The following DERA variants were observed in gnomAD, a reference collection of about 807,000 sequenced individuals.
DERA encodes 2-deoxy-D-ribose 5-phosphate aldolase.
DERA carries 15 observed loss-of-function variants against 41.1 expected under a neutral mutation model. The ratio of observed to expected loss-of-function variants is 0.37; its 90% CI spans 0.24 to 0.56. DERA has a LOEUF of 0.56. DERA is among the 20% of genes least tolerant of loss of function. DERA has a pLI of 0.81. For missense variants in DERA, 396 were observed against 403.4 expected, an observed-to-expected ratio of 0.98 and a Z score of 0.16; for synonymous variants, 139 against 137.4, an observed-to-expected ratio of 1.01 and a Z score of -0.08.
In DERA at chr12:15,994,210, G is replaced by A. The variant is rs1243574171; in HGVS notation, c.637+11774G>A. Among the ~76,000 whole-genome samples the A allele has an allele frequency of 6.6e-6, 1 of 152,166 alleles. No homozygotes were observed. Among genetic ancestry groups the A allele is most frequent in the Non-Finnish European group, 1.5e-5 (1 of 68,034 alleles). On this transcript the variant is annotated intron_variant, in intron 6 of 8. Coordinates refer to ENST00000428559, the MANE Select transcript of DERA (RefSeq NM_015954.4). This position sits in a 1 kb window ranked among gnomAD's most constrained non-coding sequence, Gnocchi z 4.8. ...ATAGATTCAGGTATCACACATATGA[G>A]TACAGTGGCATCAATGATATATCTG...
At chr12:16,018,921 T>C (rs1464198314) in intron 6 of DERA, among the ~76,000 whole-genome samples, 2 of 152,150 alleles carry the variant, frequency 1.3e-5, no homozygotes, top group Non-Finnish European at 2.9e-5. Context: ...TTAGTTGAAA[T>C]TGTGGGCACT....
At position 16,036,005 on chromosome 12, in the gene DERA, G is replaced by GT. The variant is rs1308773638; in HGVS notation, c.751-226dup. Among the ~76,000 whole-genome samples, 2 of 152,162 alleles carry GT rather than the reference G, an allele frequency of 1.3e-5. No homozygotes were observed. The highest frequency in any genetic ancestry group is 4.8e-5 in the African/African-American group (2 of 41,416). Reference sequence around the variant, plus strand: ...TAATGAGGGTTATTAACCCTCACTAGTGTCTGTTTGGAAGTAGTGACATTC... The same window carrying GT: ...TAATGAGGGTTATTAACCCTCACTAGTTGTCTGTTTGGAAGTAGTGACATTC... On this transcript the variant is annotated intron_variant, in intron 7 of 8. Transcript: ENST00000428559. The surrounding 1 kb of genome is among the most constrained non-coding windows in gnomAD (Gnocchi z 4.9).
chr12:15,981,889 A>C lies in DERA; in HGVS notation c.509-419A>C, dbSNP rs1277893859. ...TGCTTTATATCCAACCAAAGAACCT[A>C]TTACTTGTGAATGGAAGAATTAATA... is the stretch of plus-strand genomic sequence containing the variant. On this transcript the variant is annotated intron_variant, in intron 5 of 8. Transcript: ENST00000428559. This position sits in a 1 kb window ranked among gnomAD's most constrained non-coding sequence, Gnocchi z 6.1. 6.6e-6 allele frequency among the ~76,000 whole-genome samples: 1 copy of C among 152,060 alleles called. No individual in the cohort carries two copies. The highest frequency in any genetic ancestry group is 1.5e-5 in the Non-Finnish European group (1 of 68,012).
At chr12:15,977,655 A>G (rs1948706927) in intron 5 of DERA, among the ~76,000 whole-genome samples, 1 of 152,028 alleles carries the variant, frequency 6.6e-6, no homozygotes, top group Non-Finnish European at 1.5e-5. Flanking sequence ...ACGGGGTTTC[A>G]CCATGTTGGC....
At position 16,026,782 on chromosome 12, in the gene DERA, G is replaced by A. The variant is rs1949056164; in HGVS notation, c.638-5760G>A. Among the ~76,000 whole-genome samples, 1 of 152,002 alleles carries A rather than the reference G, an allele frequency of 6.6e-6. No homozygotes were observed. The highest frequency in any genetic ancestry group is 1.5e-5 in the Non-Finnish European group (1 of 67,970). On this transcript the variant is annotated intron_variant, in intron 6 of 8. Coordinates refer to ENST00000428559, the MANE Select transcript of DERA (RefSeq NM_015954.4). This position sits in a 1 kb window ranked among gnomAD's most constrained non-coding sequence, Gnocchi z 4.4. The stretch of plus-strand genomic sequence containing the variant: ...CTTCTACAATCTCTTCCGGAAAATA[G>A]AAGAGAGAACACTCATTCTGTGAGA...
intron 6 of DERA, among the ~76,000 whole-genome samples, chr12:16,016,477 G>C (rs1411308735): frequency 6.6e-6 from 1 of 151,918 alleles, no homozygotes; most frequent in African/African-American, 2.4e-5. Flanking sequence ...TTCCAAATGC[G>C]TTAAAACCCA....
At chr12:16,018,147 TTAAGA>T (rs1565615540) in intron 6 of DERA, among the ~76,000 whole-genome samples, 1 of 152,222 alleles carries the variant, frequency 6.6e-6, no homozygotes, top group African/African-American at 2.4e-5. Context: ...AGTAGTAGCC[TTAAGA>T]TATTATTTTT....
chr12:15,957,314 C>T lies in DERA; in HGVS notation c.129+281C>T, dbSNP rs1300400207. On this transcript the variant is annotated intron_variant, in intron 2 of 8. Coordinates refer to ENST00000428559, the MANE Select transcript of DERA (RefSeq NM_015954.4). This position sits in a 1 kb window ranked among gnomAD's most constrained non-coding sequence, Gnocchi z 4.8. ...AATTAAATGGCATATTTTCTCAACA[C>T]ATTTATTCAGTTTTTTAGACATGCC... 1.3e-5 allele frequency among the ~76,000 whole-genome samples: 2 copies of T among 152,188 alleles called. No homozygotes were observed. Among genetic ancestry groups the T allele is most frequent in the Non-Finnish European group, 2.9e-5 (2 of 68,032 alleles).
chr12:16,012,092 T>C lies in DERA; in HGVS notation c.638-20450T>C, dbSNP rs1184869443. Among the ~76,000 whole-genome samples the C allele has an allele frequency of 6.6e-6, 1 of 152,238 alleles. No individual in the cohort carries two copies. The highest frequency in any genetic ancestry group is 1.5e-5 in the Non-Finnish European group (1 of 68,036). The stretch of plus-strand genomic sequence containing the variant: ...TAAAGAAAAGCCTTGTCTTGTACAC[T>C]GCTGTGTATGCACTTTATAGAAAAG... On this transcript the variant is annotated intron_variant, in intron 6 of 8. Coordinates refer to ENST00000428559, the MANE Select transcript of DERA (RefSeq NM_015954.4). The surrounding 1 kb of genome is among the most constrained non-coding windows in gnomAD (Gnocchi z 4.1).
At chr12:15,942,181 T>G (rs1464163196) in intron 1 of DERA, among the ~76,000 whole-genome samples, 1 of 152,180 alleles carries the variant, frequency 6.6e-6, no homozygotes, top group African/African-American at 2.4e-5. Flanking sequence ...AATGTCTATT[T>G]ATGTCCTTTG....
Position 15,970,642 on chromosome 12 carries a change from A to G in DERA, c.508+7695A>G, listed in dbSNP as rs1387807228. 6.6e-6 allele frequency among the ~76,000 whole-genome samples: 1 copy of G among 152,132 alleles called. No homozygotes were observed. Among genetic ancestry groups the G allele is most frequent in the South Asian group, 2.1e-4 (1 of 4,828 alleles). ...TGAAAATAATGTTAAGAATGAGCTC[A>G]TTAAAAAAGAAAACTGAAAAAAAAC... On this transcript the variant is annotated intron_variant, in intron 5 of 8. Coordinates refer to ENST00000428559, the MANE Select transcript of DERA (RefSeq NM_015954.4). This position sits in a 1 kb window ranked among gnomAD's most constrained non-coding sequence, Gnocchi z 4.3.
chr12:15,930,660 T>A (rs1239969093), intron 1 of DERA, among the ~76,000 whole-genome samples: 2 of 152,182 alleles, frequency 1.3e-5, no homozygotes, highest in African/African-American at 4.8e-5. Flanking sequence ...AAATTACTGT[T>A]ATAATTCTCA....
At position 15,996,349 on chromosome 12, in the gene DERA, C is replaced by T. The variant is rs1948837648; in HGVS notation, c.637+13913C>T. ...AAATGTGTTCTTAAGGTTCTGGAGG[C>T]CAGAAGCCCGCAGTCAGGGTGTCAG... On this transcript the variant is annotated intron_variant, in intron 6 of 8. Transcript: ENST00000428559. The surrounding 1 kb of genome is among the most constrained non-coding windows in gnomAD (Gnocchi z 4.7). 6.6e-6 allele frequency among the ~76,000 whole-genome samples: 1 copy of T among 152,082 alleles called. No individual in the cohort carries two copies. Among genetic ancestry groups the T allele is most frequent in the Admixed American group, 6.5e-5 (1 of 15,276 alleles).
At position 15,998,560 on chromosome 12, in the gene DERA, G is replaced by A. The variant is rs574059652; in HGVS notation, c.637+16124G>A. Among the ~76,000 whole-genome samples the A allele has an allele frequency of 6.6e-5, 10 of 152,012 alleles. No individual in the cohort carries two copies. Among genetic ancestry groups the A allele is most frequent in the Admixed American group, 2.6e-4 (4 of 15,258 alleles). ...TCGAACTCCTGACCTCAGGTGATCCGCCTGCCTCAGCCTCCCAATGTGCTG... is the reference window on the plus strand; with the variant it reads ...TCGAACTCCTGACCTCAGGTGATCCACCTGCCTCAGCCTCCCAATGTGCTG... On this transcript the variant is annotated intron_variant, in intron 6 of 8. Coordinates refer to ENST00000428559, the MANE Select transcript of DERA (RefSeq NM_015954.4). This position sits in a 1 kb window ranked among gnomAD's most constrained non-coding sequence, Gnocchi z 4.8.
rs1047204675 is a variant in DERA, at chr12:15,933,811, C to T, written c.31+22397C>T. 4.6e-5 allele frequency among the ~76,000 whole-genome samples: 7 copies of T among 152,218 alleles called. No individual in the cohort carries two copies. In the East Asian group the frequency reaches 7.7e-4, roughly 17 times the overall value. ...TCTGTCGGCTTGTTGAAACCTTCTC[C>T]GACCAGCCTCATCTTTTCATAGTGA... On this transcript the variant is annotated intron_variant, in intron 1 of 8. Coordinates refer to ENST00000428559, the MANE Select transcript of DERA (RefSeq NM_015954.4).
chr12:15,982,489 GA>G lies in DERA; in HGVS notation c.637+56del. 1.1e-5 allele frequency: 16 copies of G among 1,513,654 alleles called. No individual in the cohort carries two copies. The highest frequency in any genetic ancestry group is 1.4e-5 in the Non-Finnish European group (16 of 1,129,820). The allele number at this position is 1,513,654 out of a possible 1,614,324, so 93.8% of individuals were successfully genotyped here. The stretch of plus-strand genomic sequence containing the variant: ...TTCTATTGAATTGATGTTTTTAGGA[GA>G]AATTAAGTAAGTGAAAGCATTTAGC... On this transcript the variant is annotated intron_variant, in intron 6 of 8. Coordinates refer to ENST00000428559, the MANE Select transcript of DERA (RefSeq NM_015954.4). The surrounding 1 kb of genome is among the most constrained non-coding windows in gnomAD (Gnocchi z 4.0).
Position 16,014,741 on chromosome 12 carries a change from C to A in DERA, c.638-17801C>A, listed in dbSNP as rs1180119766. Among the ~76,000 whole-genome samples, 2 of 152,160 alleles carry A rather than the reference C, an allele frequency of 1.3e-5. No individual in the cohort carries two copies. Among genetic ancestry groups the A allele is most frequent in the African/African-American group, 2.4e-5 (1 of 41,446 alleles). ...TCCAGACCCCAGAATGGTAGATCCA[C>A]CAACAGCTTGCACCGTGGGCTTGGA... On this transcript the variant is annotated intron_variant, in intron 6 of 8. Coordinates refer to ENST00000428559, the MANE Select transcript of DERA (RefSeq NM_015954.4). The surrounding 1 kb of genome is among the most constrained non-coding windows in gnomAD (Gnocchi z 5.4).
In DERA at chr12:15,915,503, C is replaced by A. The variant is rs929588140; in HGVS notation, c.31+4089C>A. 1.3e-5 allele frequency among the ~76,000 whole-genome samples: 2 copies of A among 151,664 alleles called. No homozygotes were observed. The highest frequency in any genetic ancestry group is 2.9e-5 in the Non-Finnish European group (2 of 67,906). ...AGAGACCGTGTGTCAGTATGTTGAC[C>A]AGACTGTTCTCAAACTCCTAGCCTC... On this transcript the variant is annotated intron_variant, in intron 1 of 8. Coordinates refer to ENST00000428559, the MANE Select transcript of DERA (RefSeq NM_015954.4). This position sits in a 1 kb window ranked among gnomAD's most constrained non-coding sequence, Gnocchi z 4.8.
rs989559686 is a variant in DERA at position 15,981,175 on chromosome 12, C to T, written c.509-1133C>T. Among the ~76,000 whole-genome samples, 2 of 152,034 alleles carry T rather than the reference C, an allele frequency of 1.3e-5. No homozygotes were observed. Among genetic ancestry groups the T allele is most frequent in the Admixed American group, 6.6e-5 (1 of 15,262 alleles). ...CATCCTGGTTAACACGGTGAAACCC[C>T]GTCTCTACTAAAACTACAAAAAGTT... On this transcript the variant is annotated intron_variant, in intron 5 of 8. Coordinates refer to ENST00000428559, the MANE Select transcript of DERA (RefSeq NM_015954.4). This position sits in a 1 kb window ranked among gnomAD's most constrained non-coding sequence, Gnocchi z 6.1.
Sources: gnomAD v4.1 joint callset for allele counts (sites outside exome capture counted in the v4.1 genomes callset) on GRCh38, gnomAD v4.1.1 for gene constraint, Gnocchi (gnomAD v3.1) non-coding constraint, MANE v1.5 for transcripts, NCBI Gene and HGNC (gene_info 2026-07-23, HGNC 2026-07-21) for gene names.